The following FHIT variants were observed in gnomAD, a reference collection of about 807,000 sequenced individuals.
The protein encoded by FHIT is bis(5'-adenosyl)-triphosphatase.
FHIT carries 19 observed loss-of-function variants against 17.9 expected under a neutral mutation model. The ratio of observed to expected loss-of-function variants is 1.06; its 90% CI spans 0.74 to 1.56. The LOEUF is 1.56. Ranked by LOEUF, FHIT falls within the 40% of genes most tolerant of loss-of-function variation. The pLI, the probability that FHIT is intolerant of heterozygous loss-of-function variation, is 0.00. For missense variants in FHIT, 248 were observed against 189.2 expected, an observed-to-expected ratio of 1.31 and a Z score of -1.82; for synonymous variants, 81 against 69.7, an observed-to-expected ratio of 1.16 and a Z score of -0.81.
intron 7 of FHIT, among the ~76,000 whole-genome samples, chr3:59,984,298 G>A (rs1708790389): frequency 6.6e-6 from 1 of 151,986 alleles, no homozygotes; most frequent in Non-Finnish European, 1.5e-5. Context: ...GCACCATTAG[G>A]GGAGAAGTGG....
chr3:60,749,992 C>G (rs1426781279), intron 4 of FHIT, among the ~76,000 whole-genome samples: 1 of 152,126 alleles, frequency 6.6e-6, no homozygotes. Flanking sequence ...GACGTAGGCA[C>G]TACCTCTATT....
chr3:60,199,218 C>G (rs1702786720), intron 5 of FHIT, among the ~76,000 whole-genome samples: 1 of 152,126 alleles, frequency 6.6e-6, no homozygotes, highest in South Asian at 2.1e-4. Context: ...GAACAATGAA[C>G]TAGTAGAGCA....
chr3:60,451,905 GC>G (rs1175608354), intron 5 of FHIT, among the ~76,000 whole-genome samples: 5 of 152,056 alleles, frequency 3.3e-5, no homozygotes, highest in African/African-American at 9.7e-5. Flanking sequence ...CAATCCTTAG[GC>G]CCACATGGGA....
intron 5 of FHIT, among the ~76,000 whole-genome samples, chr3:60,114,398 G>C (rs546520654): frequency 8.1e-5 from 12 of 148,632 alleles, no homozygotes; most frequent in Admixed American, 6.1e-4. Flanking sequence ...CTGAATGACA[G>C]ACTCTCCCAT....
chr3:60,150,027 T>TC (rs1700398150), intron 5 of FHIT, among the ~76,000 whole-genome samples: 1 of 135,250 alleles, frequency 7.4e-6, no homozygotes, highest in African/African-American at 2.8e-5. Context: ...CAAGTTTTGC[T>TC]ACTTGTTGCC....
intron 5 of FHIT, among the ~76,000 whole-genome samples, chr3:60,530,578 C>T (rs2035740441): frequency 6.6e-6 from 1 of 152,194 alleles, no homozygotes; most frequent in Non-Finnish European, 1.5e-5. Context: ...TTCCCCTTCC[C>T]CTCTAGTGCC....
At chr3:59,997,492 T>G (rs1377572052) in intron 7 of FHIT, among the ~76,000 whole-genome samples, 1 of 152,166 alleles carries the variant, frequency 6.6e-6, no homozygotes, top group Non-Finnish European at 1.5e-5. Context: ...TAGTCGTTGC[T>G]GGAGGAATTT....
chr3:60,842,658 T>TTCCC (rs1702780125), intron 3 of FHIT, among the ~76,000 whole-genome samples: 1 of 141,464 alleles, frequency 7.1e-6, no homozygotes. Context: ...TTTTTTTTTT[T>TTCCC]TTTTTTCCCT....
At chr3:60,966,268 C>A (rs1709736675) in intron 3 of FHIT, among the ~76,000 whole-genome samples, 1 of 152,160 alleles carries the variant, frequency 6.6e-6, no homozygotes, top group Admixed American at 6.5e-5. Context: ...CTGGTGTGCC[C>A]TTTGCTAAGA....
At chr3:60,320,902 G>A (rs951937610) in intron 5 of FHIT, among the ~76,000 whole-genome samples, 7 of 151,908 alleles carry the variant, frequency 4.6e-5, no homozygotes, top group South Asian at 4.2e-4. Flanking sequence ...AACCCAAATC[G>A]TAATGATCAC....
chr3:60,957,488 T>C (rs1182073522), intron 3 of FHIT, among the ~76,000 whole-genome samples: 1 of 152,134 alleles, frequency 6.6e-6, no homozygotes, highest in African/African-American at 2.4e-5. Context: ...CCACCCGCCT[T>C]GGCCTCCCAA....
intron 5 of FHIT, among the ~76,000 whole-genome samples, chr3:60,207,674 TA>T (rs1703264266): frequency 6.6e-6 from 1 of 152,164 alleles, no homozygotes; most frequent in South Asian, 2.1e-4. Context: ...ATTTGCTTTT[TA>T]AAAAGTCAGA....
chr3:60,521,001 A>G (rs1457912118), intron 5 of FHIT, among the ~76,000 whole-genome samples: 1 of 152,126 alleles, frequency 6.6e-6, no homozygotes, highest in Non-Finnish European at 1.5e-5. Flanking sequence ...AAATGCCTAT[A>G]AATTTTTTGG....
chr3:60,377,638 C>G (rs951625315), intron 5 of FHIT, among the ~76,000 whole-genome samples: 1 of 148,060 alleles, frequency 6.8e-6, no homozygotes, highest in Non-Finnish European at 1.5e-5. Context: ...CCCGCCACCG[C>G]GCCCGGCTAA....
intron 1 of FHIT, among the ~76,000 whole-genome samples, chr3:61,205,037 G>A (rs2039171767): frequency 7.1e-6 from 1 of 140,754 alleles, no homozygotes; most frequent in South Asian, 2.2e-4. Context: ...TGTTCTCATT[G>A]TTCAATTCCC....
intron 5 of FHIT, among the ~76,000 whole-genome samples, chr3:60,175,401 G>A (rs1474391759): frequency 6.6e-6 from 1 of 151,976 alleles, no homozygotes; most frequent in Non-Finnish European, 1.5e-5. Flanking sequence ...TGTCCTACAG[G>A]GTATCTCAGG....
intron 5 of FHIT, among the ~76,000 whole-genome samples, chr3:60,157,235 G>A (rs528133871): frequency 8.5e-5 from 13 of 152,226 alleles, no homozygotes; most frequent in South Asian, 6.2e-4. Context: ...AGCATGGTAC[G>A]AAAGACCACA....
intron 7 of FHIT, among the ~76,000 whole-genome samples, chr3:59,932,877 C>T (rs532954436): frequency 3.3e-5 from 5 of 152,112 alleles, no homozygotes; most frequent in African/African-American, 1.2e-4. Flanking sequence ...TAACAGTCTT[C>T]CCTCCCATTC....
In FHIT at chr3:59,835,991, G is replaced by A. The variant is rs533479030; in HGVS notation, c.349-83670C>T. ...CAAATGGCCCCAGGAAGTCCTGTTG[G>A]GATGGGCACCCAGATTTTTAACCAT... On this transcript the variant is annotated intron_variant, in intron 8 of 9. Transcript: ENST00000492590. 2.0e-5 allele frequency among the ~76,000 whole-genome samples: 3 copies of A among 152,224 alleles called. No individual in the cohort carries two copies. In the East Asian group the frequency reaches 5.8e-4, roughly 29 times the overall value.
Sources: allele counts gnomAD v4.1 joint callset (sites outside exome capture counted in the v4.1 genomes callset), GRCh38; gene constraint gnomAD v4.1.1; transcripts MANE v1.5; gene names NCBI Gene and HGNC (gene_info 2026-07-23, HGNC 2026-07-21).